LRRC4C: variants seen among roughly 807,000 people sequenced by gnomAD.
LRRC4C encodes the protein leucine rich repeat containing 4C.
Under a neutral mutation model 33.6 loss-of-function variants are expected in LRRC4C, and 5 were observed. The ratio of observed to expected loss-of-function variants is 0.15; its 90% confidence interval spans 0.08 to 0.31. The LOEUF (loss-of-function observed/expected upper bound fraction) is 0.31. Among genes scored for constraint, LRRC4C ranks in the 10% least tolerant of loss-of-function variants. The pLI, the probability that LRRC4C is intolerant of heterozygous loss-of-function variation, is 1.00. For missense variants in LRRC4C, 560 were observed against 796.7 expected, an observed-to-expected ratio of 0.70 and a Z score of 3.58; for synonymous variants, 329 against 302.0, an observed-to-expected ratio of 1.09 and a Z score of -0.93.
intron 1 of LRRC4C, among the ~76,000 whole-genome samples, chr11:41,319,700 A>C (rs903387447): frequency 6.6e-6 from 1 of 151,974 alleles, no homozygotes; most frequent in Non-Finnish European, 1.5e-5. Context: ...ACAGGTGCAC[A>C]CCATCACGCC....
At chr11:40,834,159 A>T (rs1371046132) in intron 2 of LRRC4C, among the ~76,000 whole-genome samples, 1 of 152,158 alleles carries the variant, frequency 6.6e-6, no homozygotes, top group Admixed American at 6.6e-5. Context: ...AAAGCTAAGG[A>T]ATTATTTACT....
At chr11:40,735,067 AG>A (rs1394174119) in intron 2 of LRRC4C, among the ~76,000 whole-genome samples, 1 of 152,210 alleles carries the variant, frequency 6.6e-6, no homozygotes, top group Non-Finnish European at 1.5e-5. Context: ...TGGGGAATAC[AG>A]GACTCAAATC....
chr11:41,267,546 A>C (rs965293201), intron 1 of LRRC4C, among the ~76,000 whole-genome samples: 4 of 152,152 alleles, frequency 2.6e-5, no homozygotes, highest in African/African-American at 9.6e-5. Context: ...ATGATAACAA[A>C]TGTATGACTG....
intron 3 of LRRC4C, among the ~76,000 whole-genome samples, chr11:40,347,828 A>AGACTCCCAACCTCAGGT (rs1196920173): frequency 6.6e-6 from 1 of 152,168 alleles, no homozygotes; most frequent in African/African-American, 2.4e-5. Context: ...GGCTGGCCTC[A>AGACTCCCAACCTCAGGT]GACTCCCAAC....
At chr11:41,296,182 C>T (rs1405929057) in intron 1 of LRRC4C, among the ~76,000 whole-genome samples, 1 of 152,132 alleles carries the variant, frequency 6.6e-6, no homozygotes, top group African/African-American at 2.4e-5. Flanking sequence ...GCTCAGAAAC[C>T]AATATTGCAT....
At position 40,220,030 on chromosome 11, in the gene LRRC4C, A is replaced by G. The variant is rs116675985; in HGVS notation, c.-96+21489T>C. Among the ~76,000 whole-genome samples the G allele has an allele frequency of 2.7e-3, 408 of 152,334 alleles. 1 individual carries two copies. Among genetic ancestry groups the G allele is most frequent in the African/African-American group, 9.6e-3 (400 of 41,584 alleles). ...AAGTTAAATATACACAGTGAAGTTT[A>G]TTTTTAATAAATATCAGAAATAAGA... On this transcript the variant is annotated intron_variant, in intron 5 of 6. Transcript: ENST00000528697.
intron 1 of LRRC4C, among the ~76,000 whole-genome samples, chr11:41,006,392 C>G (rs1244420628): frequency 5.9e-5 from 9 of 152,114 alleles, no homozygotes; most frequent in Non-Finnish European, 1.3e-4. Context: ...CTGTGGCAAC[C>G]ACATAATTTG....
intron 3 of LRRC4C, among the ~76,000 whole-genome samples, chr11:40,350,789 C>T (rs1440370113): frequency 2.6e-5 from 4 of 151,840 alleles, no homozygotes; most frequent in African/African-American, 9.7e-5. Flanking sequence ...TTTTACAGTT[C>T]TCATTGTAGA....
intron 5 of LRRC4C, among the ~76,000 whole-genome samples, chr11:40,215,036 A>G (rs1218624177): frequency 6.6e-6 from 1 of 152,150 alleles, no homozygotes. Context: ...ACATTAATCA[A>G]TGATGCAAAT....
rs774250096 is a variant in LRRC4C at position 40,173,872 on chromosome 11, T to C, written c.-95-33019A>G. On this transcript the variant is annotated intron_variant, in intron 5 of 6. Coordinates refer to ENST00000528697, the MANE Select transcript of LRRC4C (RefSeq NM_001258419.2). ...AACCAAGGTATTCAATGAATACTTATGTTGGTAAACTGTGTTACCTCTAAG... is the reference window on the plus strand; with the variant it reads ...AACCAAGGTATTCAATGAATACTTACGTTGGTAAACTGTGTTACCTCTAAG... Among the ~76,000 whole-genome samples the C allele has an allele frequency of 6.6e-5, 10 of 152,208 alleles. 1 individual carries two copies. Among genetic ancestry groups the C allele is most frequent in the Admixed American group, 6.5e-4 (10 of 15,282 alleles).
intron 2 of LRRC4C, among the ~76,000 whole-genome samples, chr11:40,739,372 T>G (rs1186032360): frequency 6.6e-6 from 1 of 151,854 alleles, no homozygotes; most frequent in Non-Finnish European, 1.5e-5. Context: ...ATCCACATTG[T>G]TGCAAATGAC....
At chr11:41,041,814 G>A (rs113895479) in intron 1 of LRRC4C, among the ~76,000 whole-genome samples, 2,954 of 152,152 alleles carry the variant, frequency 0.019, 102 homozygotes, top group African/African-American at 0.062. Flanking sequence ...ACAGCCTCAC[G>A]CTTGTACTCA....
At chr11:40,297,975 C>A (rs2136642142) in intron 4 of LRRC4C, among the ~76,000 whole-genome samples, 1 of 152,272 alleles carries the variant, frequency 6.6e-6, no homozygotes, top group South Asian at 2.1e-4. Context: ...TCCCCCCCAA[C>A]CTCCAAACCA....
intron 3 of LRRC4C, among the ~76,000 whole-genome samples, chr11:40,633,371 T>TTCTTCCTTTCTTTCTCTCTCTCTCTC (rs745929705): frequency 1.0e-5 from 1 of 96,308 alleles, no homozygotes; most frequent in Non-Finnish European, 2.2e-5. Flanking sequence ...CTTTCTTTCT[T>TTCTTCCTTTCTTTCTCTCTCTCTCTC]TCTCTCTCTT....
chr11:40,914,899 C>A (rs1445052575), intron 2 of LRRC4C, among the ~76,000 whole-genome samples: 1 of 152,076 alleles, frequency 6.6e-6, no homozygotes, highest in Non-Finnish European at 1.5e-5. Flanking sequence ...TTCTTATACA[C>A]CAATAACAGA....
At chr11:41,223,797 G>T (rs1421377282) in intron 1 of LRRC4C, among the ~76,000 whole-genome samples, 1 of 152,194 alleles carries the variant, frequency 6.6e-6, no homozygotes, top group Non-Finnish European at 1.5e-5. Flanking sequence ...ATGGGCTTGT[G>T]TTCCCCAAAC....
intron 1 of LRRC4C, among the ~76,000 whole-genome samples, chr11:41,264,792 G>C (rs1949096593): frequency 6.6e-6 from 1 of 152,254 alleles, no homozygotes; most frequent in Middle Eastern, 3.4e-3. Context: ...TTTAGAAACA[G>C]AGAAAAATCC....
intron 1 of LRRC4C, among the ~76,000 whole-genome samples, chr11:41,076,193 T>A (rs892839039): frequency 6.6e-6 from 1 of 152,178 alleles, no homozygotes; most frequent in Non-Finnish European, 1.5e-5. Flanking sequence ...AATTTTCTAT[T>A]CAACATCTCC....
chr11:41,219,245 A>G (rs943909682), intron 1 of LRRC4C, among the ~76,000 whole-genome samples: 2 of 151,044 alleles, frequency 1.3e-5, no homozygotes, highest in African/African-American at 5.0e-5. Context: ...CAAAATTACA[A>G]AAATTCCTCT....
Sources: gnomAD v4.1 joint callset for allele counts (sites outside exome capture counted in the v4.1 genomes callset) on GRCh38, gnomAD v4.1.1 for gene constraint, MANE v1.5 for transcripts, NCBI Gene and HGNC (gene_info 2026-07-23, HGNC 2026-07-21) for gene names.